Variants in SKIC3 observed in about 807,000 individuals in gnomAD.
SKIC3 encodes the protein superkiller complex protein 3.
the SKIC3 span, among the ~76,000 whole-genome samples, chr5:95,518,761 C>T: frequency 6.6e-6 from 1 of 151,950 alleles, no homozygotes; most frequent in Non-Finnish European, 1.5e-5. Flanking sequence ...AATAGTGCTG[C>T]AATAAACATG....
the SKIC3 span, among the ~76,000 whole-genome samples, chr5:95,508,952 A>G: frequency 1.3e-5 from 2 of 152,216 alleles, no homozygotes; most frequent in South Asian, 4.1e-4. Flanking sequence ...AGTTCTTAAA[A>G]GACAGACTTT....
At chr5:95,498,872 A>G in the SKIC3 span, among the ~76,000 whole-genome samples, 3 of 152,076 alleles carry the variant, frequency 2.0e-5, no homozygotes, top group Non-Finnish European at 4.4e-5. Flanking sequence ...TGATCCGCCC[A>G]TCTCGGCCTC....
chr5:95,501,585 C>T, the SKIC3 span, among the ~76,000 whole-genome samples: 1 of 151,010 alleles, frequency 6.6e-6, no homozygotes, highest in African/African-American at 2.4e-5. Flanking sequence ...GGCAGAAAAT[C>T]AAAAACAAAG....
chr5:95,541,124 G>A, the SKIC3 span, among the ~76,000 whole-genome samples: 1 of 152,010 alleles, frequency 6.6e-6, no homozygotes, highest in Non-Finnish European at 1.5e-5. Flanking sequence ...GCGCCACCAT[G>A]CCCAGCTAAT....
the SKIC3 span, among the ~76,000 whole-genome samples, chr5:95,506,644 C>G: frequency 2.0e-5 from 3 of 152,110 alleles, no homozygotes; most frequent in Non-Finnish European, 4.4e-5. Flanking sequence ...AATCTAATTC[C>G]TCTTCCAATT....
chr5:95,481,744 TA>T, the SKIC3 span, among the ~76,000 whole-genome samples: 1 of 152,284 alleles, frequency 6.6e-6, no homozygotes, highest in Non-Finnish European at 1.5e-5. Context: ...TTAGTTTTCA[TA>T]ATCCAGTAAT....
the SKIC3 span, among the ~76,000 whole-genome samples, chr5:95,488,514 G>A: frequency 1.3e-5 from 2 of 152,102 alleles, no homozygotes; most frequent in Admixed American, 1.3e-4. Context: ...GGCCAGTAGA[G>A]AATAAGATAA....
the SKIC3 span, among the ~76,000 whole-genome samples, chr5:95,502,470 C>T: frequency 6.6e-6 from 1 of 152,222 alleles, no homozygotes; most frequent in Admixed American, 6.5e-5. Context: ...TTTTGTTACA[C>T]ATTTTTAAAA....
chr5:95,508,588 A>G, the SKIC3 span, among the ~76,000 whole-genome samples: 3 of 152,132 alleles, frequency 2.0e-5, no homozygotes, highest in Non-Finnish European at 2.9e-5. Context: ...TCCTTAGTAA[A>G]TCTATCCATT....
the SKIC3 span, among the ~76,000 whole-genome samples, chr5:95,542,764 A>T: frequency 6.6e-5 from 10 of 152,360 alleles, no homozygotes; most frequent in Middle Eastern, 3.4e-3. Context: ...TAAAAACATT[A>T]AGGCCACTAA....
chr5:95,513,387 T>C, the SKIC3 span: 1 of 608,386 alleles, frequency 1.6e-6, no homozygotes. Context: ...ATTTTTTTTT[T>C]TAAGAGACAG....
the SKIC3 span, chr5:95,523,059 C>A: frequency 8.7e-7 from 1 of 1,155,632 alleles, no homozygotes; most frequent in African/African-American, 1.5e-5. Context: ...CACTGCCCTG[C>A]AAACAATAAA....
the SKIC3 span, among the ~76,000 whole-genome samples, chr5:95,499,605 C>T: frequency 6.6e-6 from 1 of 152,002 alleles, no homozygotes; most frequent in Non-Finnish European, 1.5e-5. Context: ...AAGTAATTAG[C>T]ACAATTTTGC....
the SKIC3 span, among the ~76,000 whole-genome samples, chr5:95,498,872 ATCTCG>A: frequency 6.6e-6 from 1 of 152,076 alleles, no homozygotes; most frequent in Non-Finnish European, 1.5e-5. Flanking sequence ...TGATCCGCCC[ATCTCG>A]GCCTCCCAAA....
At chr5:95,537,021 G>C in the SKIC3 span, 1 of 1,607,574 alleles carries the variant, frequency 6.2e-7, no homozygotes, top group Non-Finnish European at 8.5e-7. Flanking sequence ...AGTCACATTA[G>C]AGATTTAAAA....
the SKIC3 span, chr5:95,541,802 A>T: frequency 6.3e-7 from 1 of 1,581,488 alleles, no homozygotes; most frequent in Non-Finnish European, 8.7e-7. Context: ...GACTTTCCTC[A>T]TACATTTCTT....
At chr5:95,505,677 G>A in the SKIC3 span, among the ~76,000 whole-genome samples, 1 of 152,064 alleles carries the variant, frequency 6.6e-6, no homozygotes, top group Non-Finnish European at 1.5e-5. Flanking sequence ...GCTGGGCGTG[G>A]TGGTGGGCAC....
the SKIC3 span, among the ~76,000 whole-genome samples, chr5:95,496,087 G>A: frequency 1.5e-4 from 22 of 151,592 alleles, no homozygotes; most frequent in Middle Eastern, 6.8e-3. Context: ...GCATGATCTC[G>A]GCTCACTGCA....
chr5:95,530,321 T>G, the SKIC3 span: 1 of 1,393,100 alleles, frequency 7.2e-7, no homozygotes, highest in African/African-American at 1.4e-5. Flanking sequence ...TGCCTTTATA[T>G]TCTTATGCAT....
Sources: allele counts gnomAD v4.1 joint callset (sites outside exome capture counted in the v4.1 genomes callset), GRCh38; gene constraint gnomAD v4.1.1; transcripts MANE v1.5; gene names NCBI Gene and HGNC (gene_info 2026-07-23, HGNC 2026-07-21).